The following MROH1 variants were observed in gnomAD, a reference collection of about 807,000 sequenced individuals.
MROH1 encodes maestro heat like repeat family member 1, also known as maestro heat-like repeat-containing protein family member 1.
Under a neutral mutation model 116.5 loss-of-function variants are expected in MROH1, and 117 were observed. That is an observed-to-expected ratio of 1.00 (90% confidence interval 0.86 to 1.17). The LOEUF is 1.17. Ranked by LOEUF, MROH1 falls within the 50% of genes most tolerant of loss-of-function variation. MROH1 has a pLI of 0.00. For synonymous variants in MROH1, 921 were observed against 583.9 expected (o/e 1.58, Z -8.32); for missense variants, 1,873 against 1,338.5 (o/e 1.40, Z -6.23).
At chr8:144,261,590 C>T (rs936348613) in intron 43 of MROH1, 65 bp from the exon 44 acceptor site, 9 of 700,708 alleles carry the variant, frequency 1.3e-5, no homozygotes, top group Non-Finnish European at 2.3e-5. Context: ...GAGAGCGTGG[C>T]CCACGCGCAG....
intron 7 of MROH1, among the ~76,000 whole-genome samples, chr8:144,187,803 G>C (rs1001491437): frequency 3.3e-5 from 5 of 152,218 alleles, no homozygotes; most frequent in Admixed American, 3.3e-4. Context: ...TTTTTTGTCT[G>C]GGTGGCGCTT....
At chr8:144,245,027 C>G in intron 28 of MROH1, 129 bp from the exon 29 acceptor site, 2 of 725,112 alleles carry the variant, frequency 2.8e-6, no homozygotes, top group South Asian at 1.4e-5. Flanking sequence ...ACTCTGGGTC[C>G]CCGGCTTGGC....
chr8:144,167,634 G>A (rs1466161460), intron 3 of MROH1, among the ~76,000 whole-genome samples: 1 of 152,160 alleles, frequency 6.6e-6, no homozygotes, highest in Admixed American at 6.5e-5. Context: ...TGGGATGCTT[G>A]GCCTGCCCTT....
At chr8:144,174,462 C>T (rs1035439799) in intron 4 of MROH1, among the ~76,000 whole-genome samples, 1 of 151,160 alleles carries the variant, frequency 6.6e-6, no homozygotes, top group South Asian at 2.1e-4. Flanking sequence ...AACCCTGGAA[C>T]ACAAGTAATA....
In MROH1 at chr8:144,260,104, G is replaced by A. The variant is rs1170415404; in HGVS notation, c.4191+47G>A. The stretch of plus-strand genomic sequence containing the variant: ...CTGGGTCCCAGGCAGCATGGGTGGG[G>A]GGCTGTGCATGGAGGCCACCCTGTC... On this transcript the variant is annotated intron_variant, in intron 38 of 43. Coordinates refer to ENST00000326134, the MANE Select transcript of MROH1 (RefSeq NM_032450.3). The A allele has an allele frequency of 1.7e-4, 128 of 742,410 alleles. 1 individual carries two copies. Among genetic ancestry groups the A allele is most frequent in the Non-Finnish European group, 6.9e-5 (28 of 407,716 alleles). The allele number at this position is 742,410 out of a possible 1,614,324, so 46.0% of individuals were successfully genotyped here.
intron 1 of MROH1, among the ~76,000 whole-genome samples, chr8:144,154,241 T>A (rs1350057602): frequency 8.5e-5 from 13 of 152,174 alleles, no homozygotes; most frequent in Non-Finnish European, 1.3e-4. Flanking sequence ...TTTTTAAAAA[T>A]TTTTTAAGTA....
intron 4 of MROH1, among the ~76,000 whole-genome samples, chr8:144,177,778 TTC>T (rs1824387675): frequency 1.8e-3 from 1 of 560 alleles, no homozygotes; most frequent in East Asian, 0.25. Flanking sequence ...AGCATGTGGC[TTC>T]TTCTCTTCCT....
At chr8:144,189,522 C>A (rs1224856332) in intron 7 of MROH1, among the ~76,000 whole-genome samples, 2 of 152,226 alleles carry the variant, frequency 1.3e-5, no homozygotes, top group Non-Finnish European at 2.9e-5. Flanking sequence ...GATGTCCATA[C>A]CACTCGAAGC....
At chr8:144,190,445 G>C (rs1468572421) in intron 7 of MROH1, among the ~76,000 whole-genome samples, 2 of 152,140 alleles carry the variant, frequency 1.3e-5, no homozygotes, top group Non-Finnish European at 2.9e-5. Context: ...GCTTGAACCT[G>C]GGAGGCAAAG....
At chr8:144,217,824 C>G (rs576996918) in intron 12 of MROH1, among the ~76,000 whole-genome samples, 4 of 152,178 alleles carry the variant, frequency 2.6e-5, no homozygotes, top group Non-Finnish European at 5.9e-5. Flanking sequence ...GTGTGAGTCC[C>G]TACCTCTTTA....
At chr8:144,234,498 G>GTTTTTGTTTTTTTTTTTTTTTTTTTTTTT (rs1839621583) in intron 14 of MROH1, among the ~76,000 whole-genome samples, 16 of 18,104 alleles carry the variant, frequency 8.8e-4, no homozygotes, top group Non-Finnish European at 1.5e-3. Context: ...TTTCTTTTTC[G>GTTTTTGTTTTTTTTTTTTTTTTTTTTTTT]TTTTTTTTTT....
chr8:144,260,408 C>T (rs1844803993), intron 39 of MROH1, 34 bp downstream of exon 39: 3 of 703,684 alleles, frequency 4.3e-6, no homozygotes, highest in Admixed American at 2.0e-5. Context: ...GGGAAGAGGG[C>T]CCCAGCCCTT....
intron 14 of MROH1, among the ~76,000 whole-genome samples, chr8:144,223,551 C>G (rs1211229771): frequency 6.6e-6 from 1 of 152,180 alleles, no homozygotes; most frequent in African/African-American, 2.4e-5. Flanking sequence ...TCAGTCAGAG[C>G]CTCTGCATTG....
intron 12 of MROH1, among the ~76,000 whole-genome samples, chr8:144,209,568 G>T (rs1455914032): frequency 8.1e-6 from 1 of 123,198 alleles, no homozygotes; most frequent in Non-Finnish European, 1.6e-5. Flanking sequence ...GACAGAGTGA[G>T]ACTCCGTCTC....
Position 144,242,589 on chromosome 8 carries a change from T to C in MROH1, c.2326-13T>C, listed in dbSNP as rs1231379108. 1 of 780,218 alleles carries C rather than the reference T, an allele frequency of 1.3e-6. No individual in the cohort carries two copies. Among genetic ancestry groups the C allele is most frequent in the South Asian group, 1.3e-5 (1 of 74,572 alleles). 48.3% of individuals were successfully genotyped at this position (780,218 alleles called of 1,614,324 possible). A position where few individuals can be genotyped will look rare whatever the true frequency, so the allele number is the denominator to read the frequency against. ...GAGTCACGTCTTAACTCATTTCACT[T>C]TTTGTTGTTCAGGTTCTAGGAATAA... On this transcript the variant is annotated splice_polypyrimidine_tract_variant and intron_variant, in intron 23 of 43. Transcript: ENST00000326134.
chr8:144,149,869 G>A (rs1816305399), intron 1 of MROH1, among the ~76,000 whole-genome samples: 1 of 152,078 alleles, frequency 6.6e-6, no homozygotes, highest in South Asian at 2.1e-4. Context: ...TGTTCTCGGT[G>A]GACTGTGAGC....
At chr8:144,230,645 C>T (rs761254574) in intron 14 of MROH1, among the ~76,000 whole-genome samples, 7 of 151,646 alleles carry the variant, frequency 4.6e-5, no homozygotes, top group Admixed American at 4.6e-4. Flanking sequence ...CAGGGTAATG[C>T]TGACTTGGTA....
Position 144,260,833 on chromosome 8 carries a change from G to GT in MROH1, c.4536+2dup. On this transcript the variant is annotated splice_donor_variant, in intron 40 of 43. Transcript: ENST00000326134. LOFTEE classifies it high-confidence loss of function. ...GGACCCTCAGGCCACCGTGGCCAGC[G>GT]TGAGTAGCCAGGGGGTGAGTGGGAT... The GT allele has an allele frequency of 1.3e-6, 1 of 777,724 alleles. No individual in the cohort carries two copies. The highest frequency in any genetic ancestry group is 2.4e-6 in the Non-Finnish European group (1 of 417,578). 48.2% of individuals were successfully genotyped at this position (777,724 alleles called of 1,614,324 possible). A position where few individuals can be genotyped will look rare whatever the true frequency, so the allele number is the denominator to read the frequency against.
At chr8:144,257,450 C>T (rs1844102036) in intron 35 of MROH1, among the ~76,000 whole-genome samples, 1 of 152,182 alleles carries the variant, frequency 6.6e-6, no homozygotes, top group Non-Finnish European at 1.5e-5. Flanking sequence ...GCCCTCAGCT[C>T]CTACAGCCCC....
Sources: allele counts gnomAD v4.1 joint callset (sites outside exome capture counted in the v4.1 genomes callset), GRCh38; gene constraint gnomAD v4.1.1; transcripts MANE v1.5; gene names NCBI Gene and HGNC (gene_info 2026-07-23, HGNC 2026-07-21).